The following KANSL1L variants were observed in gnomAD, a reference collection of about 807,000 sequenced individuals.
KANSL1L encodes the protein KAT8 regulatory NSL complex subunit 1 like.
A neutral mutation model predicts 108.6 loss-of-function variants in KANSL1L; 25 were observed. The ratio of observed to expected loss-of-function variants is 0.23; its 90% CI spans 0.17 to 0.32. The LOEUF (loss-of-function observed/expected upper bound fraction) is 0.32. Ranked by LOEUF, KANSL1L falls within the 10% of genes least tolerant of loss-of-function variation. The probability of loss-of-function intolerance (pLI) is 1.00; values close to 1 mark genes in which losing one functional copy is unlikely to be tolerated. For missense variants in KANSL1L, 1,137 were observed against 1,125.7 expected (o/e 1.01, Z -0.14); for synonymous variants, 405 against 395.1 (o/e 1.03, Z -0.30).
chr2:210,157,073 T>C (rs899378265), intron 1 of KANSL1L, among the ~76,000 whole-genome samples: 1 of 152,134 alleles, frequency 6.6e-6, no homozygotes, highest in Non-Finnish European at 1.5e-5. Flanking sequence ...AAGCTAGCAT[T>C]AGGAAATTTC....
chr2:210,100,628 T>C (rs1489964689), intron 4 of KANSL1L, among the ~76,000 whole-genome samples: 1 of 152,154 alleles, frequency 6.6e-6, no homozygotes, highest in Non-Finnish European at 1.5e-5. Flanking sequence ...TCCTAGACTA[T>C]CTTCCTCAAC....
chr2:210,078,357 C>T (rs2094557084), intron 5 of KANSL1L, among the ~76,000 whole-genome samples: 1 of 152,118 alleles, frequency 6.6e-6, no homozygotes, highest in African/African-American at 2.4e-5. Context: ...TCTAAGGGGG[C>T]TAACATATTA....
chr2:210,149,388 A>G (rs2095286754), intron 2 of KANSL1L, among the ~76,000 whole-genome samples: 1 of 152,102 alleles, frequency 6.6e-6, no homozygotes, highest in Non-Finnish European at 1.5e-5. Flanking sequence ...CTCTGGACTT[A>G]TAATTTAAGG....
intron 5 of KANSL1L, among the ~76,000 whole-genome samples, chr2:210,084,519 G>A (rs895870903): frequency 6.6e-6 from 1 of 152,030 alleles, no homozygotes; most frequent in Non-Finnish European, 1.5e-5. Flanking sequence ...AACTGAAAAA[G>A]ATATAAAATT....
intron 1 of KANSL1L, chr2:210,155,359 C>G (rs1283138058): frequency 1.3e-5 from 2 of 152,154 alleles, no homozygotes; most frequent in African/African-American, 4.8e-5. Context: ...TTGCAGTAAG[C>G]AGAGATCACG....
At chr2:210,064,645 T>C (rs1472778480) in intron 6 of KANSL1L, among the ~76,000 whole-genome samples, 1 of 151,488 alleles carries the variant, frequency 6.6e-6, no homozygotes, top group African/African-American at 2.4e-5. Context: ...AGACCCTGTC[T>C]CTACAAAAAA....
chr2:210,152,062 T>C (rs1283926202), intron 2 of KANSL1L: 4 of 152,150 alleles, frequency 2.6e-5, no homozygotes, highest in African/African-American at 9.7e-5. Context: ...TTATACAGAT[T>C]ATTTCATCAC....
chr2:210,032,800 C>T (rs1000224891), intron 8 of KANSL1L: 3 of 152,140 alleles, frequency 2.0e-5, no homozygotes, highest in Admixed American at 6.6e-5. Context: ...CTCCAAAAAT[C>T]TGAATACCAA....
chr2:210,025,717 C>A (rs895952851), intron 12 of KANSL1L, among the ~76,000 whole-genome samples: 1 of 152,070 alleles, frequency 6.6e-6, no homozygotes, highest in Non-Finnish European at 1.5e-5. Context: ...AAAATTATTT[C>A]ATTATTGTTA....
chr2:210,048,468 T>A lies in KANSL1L; in HGVS notation c.1756-4364A>T, dbSNP rs148478386. Among the ~76,000 whole-genome samples, 343 of 152,268 alleles carry A rather than the reference T, an allele frequency of 2.3e-3. 4 individuals carry two copies. Among genetic ancestry groups the A allele is most frequent in the African/African-American group, 7.8e-3 (325 of 41,548 alleles). On this transcript the variant is annotated intron_variant, in intron 6 of 14. Coordinates refer to ENST00000281772, the MANE Select transcript of KANSL1L (RefSeq NM_152519.4). ...TAATCATATTAGCAATTTTCTGATG[T>A]ATTTTCCTTAAAAAAAATTAAACTT...
chr2:210,104,082 G>A, intron 4 of KANSL1L, 22 bp downstream of exon 4: 1 of 1,565,726 alleles, frequency 6.4e-7, no homozygotes, highest in Non-Finnish European at 8.8e-7. Flanking sequence ...TCATACCACT[G>A]ATATCCTTAC....
At chr2:210,100,549 T>C (rs1341519921) in intron 4 of KANSL1L, among the ~76,000 whole-genome samples, 3 of 152,234 alleles carry the variant, frequency 2.0e-5, no homozygotes, top group Non-Finnish European at 2.9e-5. Flanking sequence ...TGAACAGTTA[T>C]ATATCAGTAG....
chr2:210,161,308 G>A (rs548405441), intron 1 of KANSL1L, among the ~76,000 whole-genome samples: 1 of 151,962 alleles, frequency 6.6e-6, no homozygotes, highest in Admixed American at 6.6e-5. Context: ...GACAAAGATA[G>A]CAAGGCAATT....
rs1553653240 is a variant in KANSL1L, at chr2:210,079,648, A to ATATATATGTG, written c.1551-3893_1551-3892insCACATATATA. ...TATATATATATATATATATATATATATATATATATATATATATGTATGTGT... is the reference window on the plus strand; with the variant it reads ...TATATATATATATATATATATATATATATATATGTGTATATATATATATATATGTATGTGT... On this transcript the variant is annotated intron_variant, in intron 5 of 14. Coordinates refer to ENST00000281772, the MANE Select transcript of KANSL1L (RefSeq NM_152519.4). Among the ~76,000 whole-genome samples the ATATATATGTG allele has an allele frequency of 8.6e-4, 13 of 15,196 alleles. 3 individuals carry two copies. In the East Asian group the frequency reaches 0.023, roughly 27 times the overall value. 10.0% of individuals were successfully genotyped at this position (15,196 alleles called of 152,430 possible).
chr2:210,088,313 G>T, intron 5 of KANSL1L: 1 of 152,326 alleles, frequency 6.6e-6, no homozygotes, highest in South Asian at 2.1e-4. Context: ...GGTGAAAAGG[G>T]GTAACTTCAA....
At chr2:210,151,823 T>C (rs574062733) in intron 2 of KANSL1L, 24 of 152,360 alleles carry the variant, frequency 1.6e-4, no homozygotes, top group Non-Finnish European at 2.1e-4. Flanking sequence ...ATTACAGTGA[T>C]ATCAGAACAC....
At chr2:210,114,226 T>G (rs2094933702) in intron 3 of KANSL1L, among the ~76,000 whole-genome samples, 1 of 152,072 alleles carries the variant, frequency 6.6e-6, no homozygotes. Context: ...ATCAGTAGCC[T>G]CTTATGATAA....
intron 3 of KANSL1L, 95 bp from the exon 4 acceptor site, chr2:210,104,396 A>G: frequency 1.2e-6 from 1 of 817,366 alleles, no homozygotes; most frequent in East Asian, 2.6e-5. Flanking sequence ...GCTTCCACTT[A>G]TCTCTTGGAA....
intron 6 of KANSL1L, among the ~76,000 whole-genome samples, chr2:210,073,402 A>G (rs1241902175): frequency 1.3e-5 from 2 of 152,098 alleles, no homozygotes; most frequent in Non-Finnish European, 2.9e-5. Context: ...AACAAAATAA[A>G]TTAAATATTC....
Sources: gnomAD v4.1 joint callset for allele counts (sites outside exome capture counted in the v4.1 genomes callset) on GRCh38, gnomAD v4.1.1 for gene constraint, MANE v1.5 for transcripts, NCBI Gene and HGNC (gene_info 2026-07-23, HGNC 2026-07-21) for gene names.